UNC79: variants seen among roughly 807,000 people sequenced by gnomAD.
UNC79 encodes protein unc-79 homolog.
UNC79 carries 37 observed loss-of-function variants against 283.1 expected under a neutral mutation model. The ratio of observed to expected loss-of-function variants is 0.13; its 90% CI spans 0.10 to 0.17. The LOEUF is 0.17. Among genes scored for constraint, UNC79 ranks in the 10% least tolerant of loss-of-function variants. The pLI is 1.00. For synonymous variants in UNC79, 1,107 were observed against 1,200.2 expected, an observed-to-expected ratio of 0.92 and a Z score of 1.61; for missense variants, 2,272 against 3,211.1, an observed-to-expected ratio of 0.71 and a Z score of 7.07.
intron 3 of UNC79, among the ~76,000 whole-genome samples, chr14:93,477,287 T>C (rs1951710): frequency 6.6e-6 from 1 of 152,224 alleles, no homozygotes; most frequent in Non-Finnish European, 1.5e-5. Context: ...GTAATACAAA[T>C]ACCAAGTATT....
chr14:93,647,502 A>G (rs2069745709), intron 35 of UNC79, among the ~76,000 whole-genome samples: 1 of 152,216 alleles, frequency 6.6e-6, no homozygotes, highest in South Asian at 2.1e-4. Context: ...GCAGTAATTT[A>G]TAGAAATAAC....
chr14:93,476,808 C>T (rs536924745), intron 3 of UNC79, among the ~76,000 whole-genome samples: 2 of 152,218 alleles, frequency 1.3e-5, no homozygotes, highest in Non-Finnish European at 1.5e-5. Flanking sequence ...TGTTGCATCT[C>T]CTTTATTTTT....
At chr14:93,502,412 C>CA (rs35504755) in intron 7 of UNC79, among the ~76,000 whole-genome samples, 12,633 of 149,608 alleles carry the variant, frequency 0.084, 601 homozygotes, top group Middle Eastern at 0.19. Flanking sequence ...GACAATGTCT[C>CA]AAAAAAAAAT....
At chr14:93,509,587 A>G (rs1039814956) in intron 7 of UNC79, among the ~76,000 whole-genome samples, 2 of 152,188 alleles carry the variant, frequency 1.3e-5, no homozygotes. Flanking sequence ...ATGAAGTCCG[A>G]AACCCAGCAG....
intron 22 of UNC79, among the ~76,000 whole-genome samples, chr14:93,590,688 G>A (rs576405974): frequency 6.6e-6 from 1 of 152,242 alleles, no homozygotes; most frequent in African/African-American, 2.4e-5. Flanking sequence ...AAACCATGAT[G>A]GACAATGAAA....
At chr14:93,569,584 T>A (rs191903202) in intron 14 of UNC79, among the ~76,000 whole-genome samples, 1 of 152,342 alleles carries the variant, frequency 6.6e-6, no homozygotes, top group African/African-American at 2.4e-5. Context: ...CAGGGACATA[T>A]TTGCCTATTG....
chr14:93,611,938 A>G (rs1291526583), intron 26 of UNC79, among the ~76,000 whole-genome samples: 1 of 152,242 alleles, frequency 6.6e-6, no homozygotes, highest in Non-Finnish European at 1.5e-5. Context: ...GTCCTGAACC[A>G]AACCTGATAA....
chr14:93,490,511 A>G (rs942848922), intron 5 of UNC79, among the ~76,000 whole-genome samples: 3 of 152,102 alleles, frequency 2.0e-5, no homozygotes, highest in African/African-American at 7.2e-5. Context: ...CAAGTATCCA[A>G]TTTTATCACT....
At chr14:93,437,105 A>G (rs1249912591) in intron 1 of UNC79, among the ~76,000 whole-genome samples, 1 of 152,168 alleles carries the variant, frequency 6.6e-6, no homozygotes, top group Non-Finnish European at 1.5e-5. Flanking sequence ...GTATATACAT[A>G]TACATTTATG....
At chr14:93,606,667 T>A (rs908884152) in intron 26 of UNC79, among the ~76,000 whole-genome samples, 8 of 152,290 alleles carry the variant, frequency 5.3e-5, no homozygotes, top group African/African-American at 1.9e-4. Flanking sequence ...TACAACAAGA[T>A]TTAAATTTAA....
At chr14:93,558,224 A>C (rs1054790463) in intron 14 of UNC79, among the ~76,000 whole-genome samples, 2 of 152,184 alleles carry the variant, frequency 1.3e-5, no homozygotes, top group African/African-American at 4.8e-5. Context: ...GATTCGCTAC[A>C]ACCTAAGACT....
chr14:93,699,652 C>T (rs2141031696), intron 47 of UNC79, among the ~76,000 whole-genome samples: 1 of 152,250 alleles, frequency 6.6e-6, no homozygotes, highest in Non-Finnish European at 1.5e-5. Context: ...GAATATTATA[C>T]CACCTCATAT....
chr14:93,664,987 T>C lies in UNC79; in HGVS notation c.6636+2273T>C, dbSNP rs140228297. ...GTGATAGATTAGGAAAGTCAACAAG[T>C]AGCAAGATCATTTCCCACAAGAACT... On this transcript the variant is annotated intron_variant, in intron 40 of 48. Transcript: ENST00000555664. Among the ~76,000 whole-genome samples the C allele has an allele frequency of 5.0e-3, 761 of 152,098 alleles. 31 individuals are homozygous for C. Among genetic ancestry groups the C allele is most frequent in the Admixed American group, 0.049 (742 of 15,252 alleles).
intron 42 of UNC79, among the ~76,000 whole-genome samples, chr14:93,682,902 C>A (rs756987304): frequency 6.6e-6 from 1 of 152,160 alleles, no homozygotes; most frequent in South Asian, 2.1e-4. Context: ...GAGGATTGAA[C>A]GAGATAATGC....
chr14:93,629,642 A>G (rs1775057653), intron 30 of UNC79, among the ~76,000 whole-genome samples: 1 of 152,194 alleles, frequency 6.6e-6, no homozygotes, highest in African/African-American at 2.4e-5. Context: ...CTCACCTAGG[A>G]TCTGTTCTAT....
At chr14:93,585,353 C>G (rs1177320060) in intron 20 of UNC79, among the ~76,000 whole-genome samples, 1 of 152,210 alleles carries the variant, frequency 6.6e-6, no homozygotes, top group African/African-American at 2.4e-5. Flanking sequence ...CAGGGGTGCT[C>G]TGTCGACACG....
rs112251515 is a variant in UNC79 at position 93,519,408 on chromosome 14, A to G, written c.899-4570A>G. ...TTATCTGAGCCTTTATAATTTAGCT[A>G]TGTTTTTCACAGGCAGCATACAATT... On this transcript the variant is annotated intron_variant, in intron 7 of 48. Coordinates refer to ENST00000555664, the Ensembl canonical transcript of UNC79. Among the ~76,000 whole-genome samples the G allele has an allele frequency of 7.5e-3, 1,144 of 151,922 alleles. 13 individuals carry two copies. Among genetic ancestry groups the G allele is most frequent in the African/African-American group, 0.026 (1,075 of 41,550 alleles).
intron 34 of UNC79, among the ~76,000 whole-genome samples, chr14:93,645,446 C>T (rs1413994091): frequency 6.6e-6 from 1 of 152,210 alleles, no homozygotes; most frequent in Non-Finnish European, 1.5e-5. Flanking sequence ...AGCCTAATCA[C>T]CAAAGCTACC....
At chr14:93,438,000 T>C (rs1483298889) in intron 1 of UNC79, among the ~76,000 whole-genome samples, 3 of 152,214 alleles carry the variant, frequency 2.0e-5, no homozygotes, top group Admixed American at 1.3e-4. Flanking sequence ...ACAAACCTTA[T>C]TACATTTTGT....
Sources: gnomAD v4.1 joint callset for allele counts (sites outside exome capture counted in the v4.1 genomes callset) on GRCh38, gnomAD v4.1.1 for gene constraint, MANE v1.5 for transcripts, NCBI Gene and HGNC (gene_info 2026-07-23, HGNC 2026-07-21) for gene names.